OTUD6B: variants seen among roughly 807,000 people sequenced by gnomAD.
OTUD6B encodes the protein deubiquitinase OTUD6B.
Under a neutral mutation model 36.9 loss-of-function variants are expected in OTUD6B, and 41 were observed. The observed-to-expected ratio is 1.11, with a 90% CI of 0.87 to 1.44. The LOEUF (loss-of-function observed/expected upper bound fraction) is 1.44, where lower values mean the gene tolerates loss of function less well. Ranked by LOEUF, OTUD6B falls within the 40% of genes most tolerant of loss-of-function variation. The probability of loss-of-function intolerance (pLI) is 0.00; values close to 1 mark genes in which losing one functional copy is unlikely to be tolerated. For synonymous variants in OTUD6B, 114 were observed against 114.2 expected, an observed-to-expected ratio of 1.00 and a Z score of 0.01; for missense variants, 356 against 344.8, an observed-to-expected ratio of 1.03 and a Z score of -0.26.
intron 2 of OTUD6B, 134 bp from the exon 3 acceptor site, chr8:91,073,697 A>G (rs1206293869): frequency 4.9e-6 from 6 of 1,218,964 alleles, no homozygotes; most frequent in African/African-American, 1.6e-5. Flanking sequence ...AAATAGAAAC[A>G]GGAGACAAAA....
rs1812749711 is a variant in OTUD6B at position 91,073,825 on chromosome 8, C to T, written c.235-6C>T. 1.3e-6 allele frequency: 2 copies of T among 1,569,170 alleles called. No homozygotes were observed. Among genetic ancestry groups the T allele is most frequent in the Admixed American group, 1.9e-5 (1 of 53,802 alleles). On this transcript the variant is annotated splice_polypyrimidine_tract_variant and splice_region_variant and intron_variant, in intron 2 of 6. Coordinates refer to ENST00000404789, the MANE Select transcript of OTUD6B (RefSeq NM_016023.5). ...TTGACTTGTTAATGCTTTTTGTTTCCTTCAGATAGATTCTGTTGCTGTTAA... is the reference window on the plus strand; with the variant it reads ...TTGACTTGTTAATGCTTTTTGTTTCTTTCAGATAGATTCTGTTGCTGTTAA...
At chr8:91,073,741 C>T in intron 2 of OTUD6B, 90 bp from the exon 3 acceptor site, 4 of 1,405,210 alleles carry the variant, frequency 2.8e-6, no homozygotes, top group Non-Finnish European at 2.8e-6. Context: ...ATTGCTGTTA[C>T]TCAAATTTGA....
intron 1 of OTUD6B, 125 bp from the exon 2 acceptor site, chr8:91,071,013 A>G: frequency 6.9e-7 from 1 of 1,446,256 alleles, no homozygotes. Context: ...CTGTTACGTG[A>G]TGACTCTTTC....
rs1812887077 is a variant in OTUD6B, at chr8:91,080,695, A to G, written c.655A>G (p.Ile219Val). The G allele has an allele frequency of 1.2e-6, 2 of 1,604,274 alleles. No homozygotes were observed. The highest frequency in any genetic ancestry group is 1.7e-5 in the Admixed American group (1 of 58,878). Reference protein sequence around the residue: ...PEEFQKYCEDIVNTAAWGGQL... With the variant: ...PEEFQKYCEDVVNTAAWGGQL... ...AGAATTTCAGAAGTACTGTGAAGATATTGTAAACACAGCTGCATGGGGAGG... is the reference window on the plus strand; with the variant it reads ...AGAATTTCAGAAGTACTGTGAAGATGTTGTAAACACAGCTGCATGGGGAGG... The change falls in exon 5 of 7, where the codon ATT (isoleucine) becomes GTT (valine). Residue 219 changes from isoleucine to valine, a missense_variant. By Grantham distance (29) the Ile-to-Val change is conservative. Transcript: ENST00000404789.
intron 3 of OTUD6B, among the ~76,000 whole-genome samples, chr8:91,077,224 A>G (rs970894101): frequency 6.6e-6 from 1 of 151,408 alleles, no homozygotes; most frequent in African/African-American, 2.4e-5. Context: ...ATGCAGAAAA[A>G]CATACAGACA....
In OTUD6B at chr8:91,073,657, T is replaced by A. The variant is rs531004689; in HGVS notation, c.235-174T>A. The stretch of plus-strand genomic sequence containing the variant: ...GATGAGCATGATCTTTGAAAGAAAC[T>A]TCTTGGGAACTTGTCAAATTCTTCC... On this transcript the variant is annotated intron_variant, in intron 2 of 6. Transcript: ENST00000404789. 29 of 605,270 alleles carry A rather than the reference T, an allele frequency of 4.8e-5. No individual in the cohort carries two copies. In the African/African-American group the frequency reaches 5.6e-4, roughly 12 times the overall value. The allele number at this position is 605,270 out of a possible 1,614,324, so 37.5% of individuals were successfully genotyped here. A position where few individuals can be genotyped will look rare whatever the true frequency, so the allele number is the denominator to read the frequency against.
chr8:91,084,646 C>T (rs1192150195), intron 6 of OTUD6B, 138 bp from the exon 7 acceptor site: 1 of 999,526 alleles, frequency 1.0e-6, no homozygotes, highest in Non-Finnish European at 1.3e-6. Flanking sequence ...ATTAATATGT[C>T]CACATAGTCT....
chr8:91,072,409 G>A (rs148145568), intron 2 of OTUD6B, among the ~76,000 whole-genome samples: 1 of 152,216 alleles, frequency 6.6e-6, no homozygotes, highest in African/African-American at 2.4e-5. Context: ...TATTGTATGG[G>A]TTTTGGATAT....
In OTUD6B at chr8:91,078,675, T is replaced by C; in HGVS notation, c.628+7T>C. The stretch of plus-strand genomic sequence containing the variant: ...GGAGATATGTATACTCCAGGTAATT[T>C]ATTTTTCTTTACTATGTTTTATTGT... On this transcript the variant is annotated splice_region_variant and intron_variant, in intron 4 of 6. Coordinates refer to ENST00000404789, the MANE Select transcript of OTUD6B (RefSeq NM_016023.5). 1 of 1,511,804 alleles carries C rather than the reference T, an allele frequency of 6.6e-7. No individual in the cohort carries two copies. Among genetic ancestry groups the C allele is most frequent in the African/African-American group, 1.4e-5 (1 of 71,732 alleles). The allele number at this position is 1,511,804 out of a possible 1,614,324, so 93.6% of individuals were successfully genotyped here. A position where few individuals can be genotyped will look rare whatever the true frequency, so the allele number is the denominator to read the frequency against.
Position 91,080,592 on chromosome 8 carries a change from G to A in OTUD6B, c.629-77G>A, listed in dbSNP as rs1038805643. On this transcript the variant is annotated intron_variant, in intron 4 of 6. Transcript: ENST00000404789. ...AACTTGGGCATTTTTGTCAGGAATT[G>A]TGGGAACTATAAAAGGGATTTTGTA... 3 of 1,515,040 alleles carry A rather than the reference G, an allele frequency of 2.0e-6. No individual in the cohort carries two copies. The Admixed American group carries it at 7.0e-5, about 35-fold the overall frequency. 93.8% of individuals were successfully genotyped at this position (1,515,040 alleles called of 1,614,324 possible). A position where few individuals can be genotyped will look rare whatever the true frequency, so the allele number is the denominator to read the frequency against.
intron 5 of OTUD6B, among the ~76,000 whole-genome samples, chr8:91,081,992 A>C (rs1473798077): frequency 6.6e-6 from 1 of 152,172 alleles, no homozygotes; most frequent in African/African-American, 2.4e-5. Flanking sequence ...CTTTTAAAAC[A>C]TCTTTTGAGG....
At chr8:91,074,034 G>T in intron 3 of OTUD6B, 123 bp downstream of exon 3, 1 of 570,528 alleles carries the variant, frequency 1.8e-6, no homozygotes. Context: ...CCTTGTCTAG[G>T]CACTTGAACT....
intron 3 of OTUD6B, among the ~76,000 whole-genome samples, chr8:91,076,304 A>G (rs920934200): frequency 2.0e-5 from 3 of 152,090 alleles, no homozygotes; most frequent in Non-Finnish European, 4.4e-5. Flanking sequence ...GTGCCATTCT[A>G]TCTCCACTAC....
At chr8:91,074,214 A>G (rs754828499) in intron 3 of OTUD6B, among the ~76,000 whole-genome samples, 1 of 152,184 alleles carries the variant, frequency 6.6e-6, no homozygotes, top group Non-Finnish European at 1.5e-5. Context: ...TGCAGCTCTC[A>G]TAGGAGAGCG....
intron 3 of OTUD6B, among the ~76,000 whole-genome samples, chr8:91,077,891 T>TAGAA (rs1244130520): frequency 6.6e-6 from 1 of 152,002 alleles, no homozygotes; most frequent in African/African-American, 2.4e-5. Flanking sequence ...ATACAGACAT[T>TAGAA]TTAAAAAGCT....
At chr8:91,081,493 C>T (rs945394971) in intron 5 of OTUD6B, among the ~76,000 whole-genome samples, 1 of 151,654 alleles carries the variant, frequency 6.6e-6, no homozygotes, top group Non-Finnish European at 1.5e-5. Context: ...TTCCACCCCT[C>T]TGTTTTGTGG....
intron 2 of OTUD6B, among the ~76,000 whole-genome samples, chr8:91,071,928 G>C (rs1217869723): frequency 6.6e-6 from 1 of 152,144 alleles, no homozygotes. Flanking sequence ...ATCTTTCTGA[G>C]CTCAAATTTT....
intron 1 of OTUD6B, 130 bp from the exon 2 acceptor site, chr8:91,071,008 A>G: frequency 1.4e-6 from 2 of 1,427,292 alleles, no homozygotes; most frequent in African/African-American, 1.5e-5. Context: ...GCTGCCTGTT[A>G]CGTGATGACT....
At position 91,086,919 on chromosome 8, in the gene OTUD6B, A is replaced by T. The variant is rs1398844111; in HGVS notation, c.*2051A>T. The T allele has an allele frequency of 6.6e-6, 1 of 152,110 alleles. No individual in the cohort carries two copies. The highest frequency in any genetic ancestry group is 1.9e-4 in the East Asian group (1 of 5,204). The allele number at this position is 152,110 out of a possible 1,614,324, so 9.4% of individuals were successfully genotyped here. A position where few individuals can be genotyped will look rare whatever the true frequency, so the allele number is the denominator to read the frequency against. On this transcript the variant is annotated 3_prime_UTR_variant, in exon 7 of 7. Coordinates refer to ENST00000404789, the MANE Select transcript of OTUD6B (RefSeq NM_016023.5). ...TGCTTTCTTTTGTCCTAACTCTGAA[A>T]AGTATATGTCAGAGTTCTGGAATAT... is the stretch of plus-strand genomic sequence containing the variant.
Sources: allele counts gnomAD v4.1 joint callset (sites outside exome capture counted in the v4.1 genomes callset), GRCh38; gene constraint gnomAD v4.1.1; transcripts MANE v1.5; gene names NCBI Gene and HGNC (gene_info 2026-07-23, HGNC 2026-07-21).